The following HECW2 variants were observed in gnomAD, a reference collection of about 807,000 sequenced individuals.
HECW2 encodes E3 ubiquitin-protein ligase HECW2.
HECW2 carries 61 observed loss-of-function variants against 175.2 expected under a neutral mutation model. The ratio of observed to expected loss-of-function variants is 0.35; its 90% CI spans 0.28 to 0.43. The LOEUF is 0.43. HECW2 is among the 20% of genes least tolerant of loss of function. HECW2 has a pLI of 1.00. For synonymous variants in HECW2, 671 were observed against 731.0 expected, an observed-to-expected ratio of 0.92 and a Z score of 1.32; for missense variants, 1,524 against 2,000.5, an observed-to-expected ratio of 0.76 and a Z score of 4.54.
chr2:196,309,433 G>A (rs1691397626), intron 10 of HECW2, among the ~76,000 whole-genome samples: 1 of 152,124 alleles, frequency 6.6e-6, no homozygotes, highest in Admixed American at 6.5e-5. Flanking sequence ...AATTCTTTGG[G>A]CACTGCAGTC....
intron 8 of HECW2, among the ~76,000 whole-genome samples, 199 bp from the exon 9 acceptor site, chr2:196,320,103 T>C (rs1287110827): frequency 5.3e-5 from 8 of 152,200 alleles, no homozygotes; most frequent in African/African-American, 1.9e-4. Flanking sequence ...TATGTTAGCA[T>C]GGCTGAAAAC....
chr2:196,366,089 G>C (rs774300858), intron 2 of HECW2, among the ~76,000 whole-genome samples: 4 of 152,170 alleles, frequency 2.6e-5, no homozygotes, highest in African/African-American at 7.2e-5. Context: ...AATTCTCACA[G>C]TAATTCTGAG....
chr2:196,281,357 G>A (rs1261368003), intron 14 of HECW2, among the ~76,000 whole-genome samples: 1 of 152,126 alleles, frequency 6.6e-6, no homozygotes. Flanking sequence ...ATGTTCTTGG[G>A]CCAGGCGCGA....
intron 1 of HECW2, among the ~76,000 whole-genome samples, chr2:196,435,942 CT>C (rs1203172811): frequency 2.0e-5 from 3 of 152,198 alleles, no homozygotes; most frequent in Admixed American, 2.0e-4. Flanking sequence ...ATATCAAGAA[CT>C]GGTTTTAATA....
intron 21 of HECW2, among the ~76,000 whole-genome samples, chr2:196,228,651 C>A (rs753083601): frequency 6.6e-5 from 10 of 151,956 alleles, no homozygotes; most frequent in Non-Finnish European, 1.0e-4. Context: ...AGGGTAAAAC[C>A]AGGGGGAATC....
At chr2:196,353,807 C>T (rs911248966) in intron 2 of HECW2, among the ~76,000 whole-genome samples, 1 of 152,152 alleles carries the variant, frequency 6.6e-6, no homozygotes, top group Non-Finnish European at 1.5e-5. Flanking sequence ...TGTCCCTCTC[C>T]CATCCTGTGC....
At chr2:196,541,876 A>G (rs1238136911) in intron 1 of HECW2, among the ~76,000 whole-genome samples, 1 of 152,154 alleles carries the variant, frequency 6.6e-6, no homozygotes, top group Non-Finnish European at 1.5e-5. Context: ...AGAACTATCT[A>G]AAGGAATAAT....
chr2:196,286,169 T>C (rs913468897), intron 14 of HECW2, among the ~76,000 whole-genome samples: 2 of 152,124 alleles, frequency 1.3e-5, no homozygotes, highest in African/African-American at 2.4e-5. Flanking sequence ...TAATTGACCA[T>C]GTTGGGAGAA....
chr2:196,275,095 C>G (rs368908846), intron 15 of HECW2, among the ~76,000 whole-genome samples: 2 of 152,092 alleles, frequency 1.3e-5, no homozygotes, highest in East Asian at 3.9e-4. Flanking sequence ...CTGGAAATAT[C>G]CTCCCCACCC....
intron 14 of HECW2, among the ~76,000 whole-genome samples, chr2:196,285,682 G>A (rs567982987): frequency 3.3e-5 from 5 of 151,938 alleles, no homozygotes; most frequent in Non-Finnish European, 7.4e-5. Context: ...TTTTCTTTAT[G>A]TCTTAGACAG....
intron 3 of HECW2, among the ~76,000 whole-genome samples, chr2:196,341,908 T>C (rs889304624): frequency 2.0e-5 from 3 of 152,192 alleles, no homozygotes; most frequent in Non-Finnish European, 4.4e-5. Flanking sequence ...ATTAGAGAAG[T>C]TTGATATGCT....
At chr2:196,262,429 C>A (rs1689333811) in intron 17 of HECW2, among the ~76,000 whole-genome samples, 2 of 152,204 alleles carry the variant, frequency 1.3e-5, no homozygotes, top group South Asian at 2.1e-4. Flanking sequence ...GCTCTCTCTA[C>A]ATGGGTACGT....
chr2:196,546,931 G>A (rs1381985895), intron 1 of HECW2, among the ~76,000 whole-genome samples: 1 of 152,082 alleles, frequency 6.6e-6, no homozygotes, highest in Non-Finnish European at 1.5e-5. Context: ...TACAACTGCA[G>A]AGAAAGAGGA....
intron 1 of HECW2, among the ~76,000 whole-genome samples, chr2:196,564,214 C>T (rs1293970273): frequency 6.6e-6 from 1 of 152,042 alleles, no homozygotes; most frequent in Middle Eastern, 3.2e-3. Context: ...CTACACTCTT[C>T]AAATTAGTCA....
At chr2:196,470,570 C>T (rs1301788593) in intron 1 of HECW2, among the ~76,000 whole-genome samples, 2 of 151,994 alleles carry the variant, frequency 1.3e-5, no homozygotes, top group South Asian at 2.1e-4. Flanking sequence ...CTTGGTTGCC[C>T]ATTCAATTTT....
chr2:196,571,663 T>C (rs1375675356), intron 1 of HECW2, among the ~76,000 whole-genome samples: 1 of 151,958 alleles, frequency 6.6e-6, no homozygotes, highest in Non-Finnish European at 1.5e-5. Context: ...ATCATGCTAC[T>C]GCACTCCGGC....
At chr2:196,574,383 T>C (rs747193102) in intron 1 of HECW2, among the ~76,000 whole-genome samples, 2 of 151,020 alleles carry the variant, frequency 1.3e-5, no homozygotes, top group Admixed American at 6.6e-5. Context: ...TGAGCAGAGA[T>C]AGCACCACTG....
Position 196,257,818 on chromosome 2 carries a change from T to C in HECW2, c.3419+5A>G, listed in dbSNP as rs1272496984. ...CTGCTTCAAGAGTGAGTGTTACGTA[T>C]GTACCTCAGCAACATAACAAGGTCT... On this transcript the variant is annotated splice_donor_5th_base_variant and intron_variant, in intron 18 of 28. Coordinates refer to ENST00000644978, the MANE Select transcript of HECW2 (RefSeq NM_001348768.2). 6.2e-6 allele frequency: 10 copies of C among 1,603,516 alleles called. No individual in the cohort carries two copies. Among genetic ancestry groups the C allele is most frequent in the Non-Finnish European group, 7.7e-6 (9 of 1,170,396 alleles).
chr2:196,487,051 C>T (rs1041873606), intron 1 of HECW2, among the ~76,000 whole-genome samples: 63 of 150,638 alleles, frequency 4.2e-4, no homozygotes, highest in African/African-American at 1.4e-3. Flanking sequence ...TGGGAGGCTG[C>T]GGCAGGAGAA....
Sources: allele counts gnomAD v4.1 joint callset (sites outside exome capture counted in the v4.1 genomes callset), GRCh38; gene constraint gnomAD v4.1.1; transcripts MANE v1.5; gene names NCBI Gene and HGNC (gene_info 2026-07-23, HGNC 2026-07-21).